TET3: variants seen among roughly 807,000 people sequenced by gnomAD.
The protein encoded by TET3 is methylcytosine dioxygenase TET3.
TET3 carries 19 observed loss-of-function variants against 141.4 expected under a neutral mutation model. The observed-to-expected ratio is 0.13, with a 90% CI of 0.09 to 0.20. The LOEUF is 0.20. TET3 is among the 10% of genes least tolerant of loss of function. The pLI is 1.00. For missense variants in TET3, 1,874 were observed against 2,356.9 expected (o/e 0.80, Z 4.24); for synonymous variants, 1,043 against 980.9 (o/e 1.06, Z -1.18).
chr2:74,052,358 C>T (rs569374328), intron 4 of TET3, among the ~76,000 whole-genome samples: 3 of 152,124 alleles, frequency 2.0e-5, no homozygotes, highest in African/African-American at 4.8e-5. Context: ...TCAAGGTGCT[C>T]ACTCTGGGAT....
At chr2:74,076,697 G>C (rs976900262) in intron 5 of TET3, among the ~76,000 whole-genome samples, 1 of 151,738 alleles carries the variant, frequency 6.6e-6, no homozygotes, top group African/African-American at 2.4e-5. Context: ...GGAACGAGGG[G>C]AGTAATGAGT....
chr2:74,124,470 G>A, the TET3 span, among the ~76,000 whole-genome samples: 4 of 152,230 alleles, frequency 2.6e-5, no homozygotes, highest in East Asian at 3.8e-4. Context: ...CCACGATGAC[G>A]ATGGCGGTTT....
chr2:74,033,652 A>G (rs905201522), intron 3 of TET3, among the ~76,000 whole-genome samples: 2 of 152,238 alleles, frequency 1.3e-5, no homozygotes, highest in African/African-American at 4.8e-5. Context: ...CAGTGCATGT[A>G]AAAGTTGTGT....
At chr2:74,113,541 A>AT in the TET3 span, among the ~76,000 whole-genome samples, 1 of 152,196 alleles carries the variant, frequency 6.6e-6, no homozygotes, top group Non-Finnish European at 1.5e-5. Flanking sequence ...ACATATATAT[A>AT]AAAACCTAAA....
At chr2:74,022,117 T>TTC (rs1491060095) in intron 3 of TET3, among the ~76,000 whole-genome samples, 3 of 121,810 alleles carry the variant, frequency 2.5e-5, no homozygotes, top group African/African-American at 5.5e-5. Context: ...TTTTTTTTTT[T>TTC]CCATTTTAAA....
At chr2:74,043,485 A>G (rs1274914793) in intron 3 of TET3, among the ~76,000 whole-genome samples, 1 of 152,184 alleles carries the variant, frequency 6.6e-6, no homozygotes, top group Non-Finnish European at 1.5e-5. Flanking sequence ...CAGTAGTGGC[A>G]TGCGATAAGT....
chr2:74,089,740 A>G (rs924985673), intron 7 of TET3, among the ~76,000 whole-genome samples, 157 bp from the exon 8 acceptor site: 4 of 152,220 alleles, frequency 2.6e-5, no homozygotes, highest in African/African-American at 9.6e-5. Flanking sequence ...ACTCAAGGAA[A>G]CTTGAGAAAG....
chr2:74,059,427 A>G (rs1369815059), intron 4 of TET3, among the ~76,000 whole-genome samples: 3 of 151,982 alleles, frequency 2.0e-5, no homozygotes, highest in African/African-American at 4.8e-5. Flanking sequence ...TAACTTTTGT[A>G]TTTTTTTAGT....
chr2:74,105,390 A>G lies in TET3; in HGVS notation c.*3214A>G. Reference sequence around the variant, plus strand: ...TTCTGTGCTACGAGATTTTTAAAATAAAAATCGCTTCGCAGCAGGTTCTCA... The same window carrying G: ...TTCTGTGCTACGAGATTTTTAAAATGAAAATCGCTTCGCAGCAGGTTCTCA... On this transcript the variant is annotated 3_prime_UTR_variant, in exon 12 of 12. Transcript: ENST00000409262. The G allele has an allele frequency of 2.5e-6, 1 of 398,624 alleles. No homozygotes were observed. 24.7% of individuals were successfully genotyped at this position (398,624 alleles called of 1,614,324 possible). A position where few individuals can be genotyped will look rare whatever the true frequency, so the allele number is the denominator to read the frequency against.
intron 2 of TET3, chr2:74,002,818 C>A: frequency 1.7e-6 from 1 of 571,578 alleles, no homozygotes; most frequent in Admixed American, 3.1e-5. Context: ...CGCGCGGGGC[C>A]GGGGATGGCC....
intron 3 of TET3, 81 bp downstream of exon 3, chr2:74,003,247 G>A: frequency 6.6e-7 from 1 of 1,524,424 alleles, no homozygotes; most frequent in Non-Finnish European, 8.9e-7. Context: ...AAAAATAAAG[G>A]GTCTCCTCTG....
the TET3 span, among the ~76,000 whole-genome samples, chr2:74,113,500 CA>C: frequency 6.6e-6 from 1 of 151,986 alleles, no homozygotes; most frequent in Non-Finnish European, 1.5e-5. Context: ...AGGAGGAAGT[CA>C]AATTGTCCCT....
In TET3 at chr2:74,108,010, A is replaced by C. The variant is rs1329126855; in HGVS notation, c.*5834A>C. 1 of 153,580 alleles carries C rather than the reference A, an allele frequency of 6.5e-6. No homozygotes were observed. The highest frequency in any genetic ancestry group is 1.5e-5 in the Non-Finnish European group (1 of 68,038). The allele number at this position is 153,580 out of a possible 1,614,324, so 9.5% of individuals were successfully genotyped here. On this transcript the variant is annotated 3_prime_UTR_variant, in exon 12 of 12. Transcript: ENST00000409262. ...ACCCTCCCTTCTCCCTCAGTGTTTC[A>C]GTAAATTTAATTTAGGGTGCCTAGA...
the TET3 span, among the ~76,000 whole-genome samples, chr2:74,117,436 C>T: frequency 3.3e-5 from 5 of 152,196 alleles, no homozygotes; most frequent in South Asian, 6.2e-4. Context: ...TGCAGTGGTG[C>T]GATCTTGACT....
the TET3 span, chr2:74,135,440 A>T: frequency 8.2e-7 from 1 of 1,212,198 alleles, no homozygotes; most frequent in Non-Finnish European, 1.2e-6. Flanking sequence ...CCTTTAATTA[A>T]CATCTAAATA....
At chr2:74,113,022 A>AAC (rs1691741956), downstream of TET3, among the ~76,000 whole-genome samples, 1 of 150,340 alleles carries the variant, frequency 6.7e-6, no homozygotes, top group African/African-American at 2.4e-5. Flanking sequence ...AAAAAAAAAA[A>AAC]AAAAAAAAAA....
At chr2:74,092,314 A>C (rs1690543442) in intron 8 of TET3, among the ~76,000 whole-genome samples, 1 of 152,132 alleles carries the variant, frequency 6.6e-6, no homozygotes, top group Admixed American at 6.5e-5. Context: ...GAAAAAAAAA[A>C]ATTAGAATTC....
chr2:74,090,451 C>G (rs1018000999), intron 8 of TET3, among the ~76,000 whole-genome samples: 7 of 152,202 alleles, frequency 4.6e-5, no homozygotes, highest in African/African-American at 1.7e-4. Flanking sequence ...ATCCTCTGGG[C>G]CTTTGCTGTA....
At chr2:74,013,479 T>C (rs1685573404) in intron 3 of TET3, among the ~76,000 whole-genome samples, 1 of 152,146 alleles carries the variant, frequency 6.6e-6, no homozygotes, top group Admixed American at 6.5e-5. Context: ...TTCTTTGGTA[T>C]AATTTAAATA....
Sources: gnomAD v4.1 joint callset for allele counts (sites outside exome capture counted in the v4.1 genomes callset) on GRCh38, gnomAD v4.1.1 for gene constraint, MANE v1.5 for transcripts, NCBI Gene and HGNC (gene_info 2026-07-23, HGNC 2026-07-21) for gene names.